The following PSTK variants were observed in gnomAD, a reference collection of about 807,000 sequenced individuals.
The protein encoded by PSTK is phosphoseryl-tRNA kinase.
Under a neutral mutation model 38.6 loss-of-function variants are expected in PSTK, and 26 were observed. The observed-to-expected ratio is 0.67, with a 90% confidence interval of 0.49 to 0.94. The LOEUF (loss-of-function observed/expected upper bound fraction) is 0.94. Ranked by LOEUF, PSTK falls within the 40% of genes least tolerant of loss-of-function variation. The pLI is 0.00. For missense variants in PSTK, 445 were observed against 436.3 expected (o/e 1.02, Z -0.18); for synonymous variants, 181 against 161.7 (o/e 1.12, Z -0.91).
At chr10:122,986,612 G>T in intron 4 of PSTK, 1 of 596,612 alleles carries the variant, frequency 1.7e-6, no homozygotes. Context: ...CACAGAAATT[G>T]GCAAACACTA....
chr10:122,989,097 T>G (rs1846954959), intron 5 of PSTK, among the ~76,000 whole-genome samples: 1 of 148,396 alleles, frequency 6.7e-6, no homozygotes, highest in Admixed American at 7.0e-5. Flanking sequence ...AAAGACCAAG[T>G]GTATGTATAC....
At position 122,983,489 on chromosome 10, in the gene PSTK, C is replaced by T; in HGVS notation, c.707+19C>T. 1 of 1,608,094 alleles carries T rather than the reference C, an allele frequency of 6.2e-7. No individual in the cohort carries two copies. The highest frequency in any genetic ancestry group is 8.5e-7 in the Non-Finnish European group (1 of 1,177,040). On this transcript the variant is annotated intron_variant, in intron 3 of 5. Transcript: ENST00000406217. ...AGGCCAGGTATTCCACTCAATCATC[C>T]CTCCCTGGATGCTCCCCTGTGCCAG...
In PSTK at chr10:122,980,537, C is replaced by T. The variant is rs763631700; in HGVS notation, c.58C>T (p.Leu20Phe). ...TGSDGPRKRG[L>F]CVLCGLPAAG... ...CAGCGACGGGCCGCGGAAACGAGGC[C>T]TCTGCGTCCTCTGTGGCCTCCCCGC... The change falls in exon 1 of 6, where the codon CTC becomes TTC. Residue 20 changes from leucine to phenylalanine, a missense_variant. By Grantham distance (22) the Leu-to-Phe change is conservative. Coordinates refer to ENST00000406217, the MANE Select transcript of PSTK (RefSeq NM_001363531.2). The surrounding 1 kb of genome is among the most constrained non-coding windows in gnomAD (Gnocchi z 4.3). 1.2e-6 allele frequency: 2 copies of T among 1,610,776 alleles called. No homozygotes were observed. The highest frequency in any genetic ancestry group is 1.7e-5 in the Admixed American group (1 of 59,938).
At chr10:122,989,459 C>T (rs1282126410) in intron 5 of PSTK, among the ~76,000 whole-genome samples, 1 of 152,064 alleles carries the variant, frequency 6.6e-6, no homozygotes, top group Non-Finnish European at 1.5e-5. Context: ...ACCATGTTGG[C>T]CAGTCTGGTC....
At chr10:122,986,568 C>A (rs917647500) in intron 4 of PSTK, 193 bp downstream of exon 4, 9 of 609,780 alleles carry the variant, frequency 1.5e-5, no homozygotes, top group South Asian at 2.0e-5. Flanking sequence ...AGTGTTGGAG[C>A]CTGTTGATGG....
In PSTK at chr10:122,987,537, G is replaced by C. The variant is rs199528272; in HGVS notation, c.877+575G>C. ...GGGGGGAAAGGTAGTCAGGGGCCAG[G>C]TGTAAGATCAGCATGGAATTTGAGT... On this transcript the variant is annotated intron_variant, in intron 5 of 5. Coordinates refer to ENST00000406217, the MANE Select transcript of PSTK (RefSeq NM_001363531.2). 3.2e-5 allele frequency: 52 copies of C among 1,606,000 alleles called. No homozygotes were observed. The African/African-American group carries it at 5.9e-4, about 18-fold the overall frequency.
At chr10:122,981,877 G>C (rs1848963121) in intron 1 of PSTK, 1 of 152,218 alleles carries the variant, frequency 6.6e-6, no homozygotes, top group African/African-American at 2.4e-5. Flanking sequence ...GGACTCATCT[G>C]CTCACTTAGG....
chr10:122,983,757 T>TA (rs1422463411), intron 3 of PSTK: 1 of 343,624 alleles, frequency 2.9e-6, no homozygotes, highest in East Asian at 5.7e-5. Flanking sequence ...CTAAAATAGA[T>TA]AGTCTAAATA....
At chr10:122,983,673 C>T (rs1848997105) in intron 3 of PSTK, 1 of 576,338 alleles carries the variant, frequency 1.7e-6, no homozygotes. Context: ...AATGTCTGCT[C>T]ATAACTGTTA....
chr10:122,987,494 C>T, intron 5 of PSTK: 1 of 1,613,518 alleles, frequency 6.2e-7, no homozygotes, highest in Non-Finnish European at 8.5e-7. Context: ...GGCCATTGAG[C>T]ACGGGGTGAG....
Position 122,980,922 on chromosome 10 carries a change from AT to A in PSTK, c.216+231del. 2.0e-6 allele frequency: 1 copy of A among 511,598 alleles called. No individual in the cohort carries two copies. The highest frequency in any genetic ancestry group is 2.5e-6 in the Non-Finnish European group (1 of 397,302). 31.7% of individuals were successfully genotyped at this position (511,598 alleles called of 1,614,324 possible). ...ACAAAGCCAACTGTTAGAACGATGC[AT>A]TTTAGATGCTTATCTGTATATTTGA... On this transcript the variant is annotated intron_variant, in intron 1 of 5. Transcript: ENST00000406217. This position sits in a 1 kb window ranked among gnomAD's most constrained non-coding sequence, Gnocchi z 4.3.
Position 122,980,437 on chromosome 10 carries a change from G to A in PSTK, c.-43G>A. Reference sequence around the variant, plus strand: ...GCGTGCGCGCAGGGCAGACGGTAGAGCGGAGACGACGCTCCCAGACTCCTC... The same window carrying A: ...GCGTGCGCGCAGGGCAGACGGTAGAACGGAGACGACGCTCCCAGACTCCTC... On this transcript the variant is annotated 5_prime_UTR_variant, in exon 1 of 6. Transcript: ENST00000406217. This position sits in a 1 kb window ranked among gnomAD's most constrained non-coding sequence, Gnocchi z 4.3. The A allele has an allele frequency of 6.5e-7, 1 of 1,529,100 alleles. No homozygotes were observed. The highest frequency in any genetic ancestry group is 8.8e-7 in the Non-Finnish European group (1 of 1,139,012). The allele number at this position is 1,529,100 out of a possible 1,614,324, so 94.7% of individuals were successfully genotyped here.
At position 122,982,952 on chromosome 10, in the gene PSTK, T is replaced by C; in HGVS notation, c.436T>C (p.Leu146=). The C allele has an allele frequency of 6.2e-7, 1 of 1,614,154 alleles. No homozygotes were observed. The highest frequency in any genetic ancestry group is 1.3e-5 in the African/African-American group (1 of 75,044). The change falls in exon 2 of 6, where the codon TTG becomes CTG. Residue 146 remains leucine, a synonymous_variant. Coordinates refer to ENST00000406217, the MANE Select transcript of PSTK (RefSeq NM_001363531.2). ...LLTKTAVSRP[L]FLVLDDNFYY... ...AACAAAAACTGCTGTTTCTAGACCT[T>C]TGTTTTTGGTTTTGGATGACAATTT... is the stretch of plus-strand genomic sequence containing the variant.
chr10:122,987,225 CTAA>C (rs1849047158), intron 5 of PSTK: 2 of 1,415,534 alleles, frequency 1.4e-6, no homozygotes, highest in East Asian at 2.5e-5. Flanking sequence ...GCAGAACATT[CTAA>C]TGAGGAGACA....
At chr10:122,989,517 G>A (rs1007675490) in intron 5 of PSTK, among the ~76,000 whole-genome samples, 5 of 152,124 alleles carry the variant, frequency 3.3e-5, no homozygotes, top group Non-Finnish European at 7.3e-5. Flanking sequence ...CACCCACAGT[G>A]CTGGGATTAC....
In PSTK at chr10:122,980,948, A is replaced by AT. The variant is rs1215361736; in HGVS notation, c.216+254dup. 2 of 345,350 alleles carry AT rather than the reference A, an allele frequency of 5.8e-6. No homozygotes were observed. The highest frequency in any genetic ancestry group is 8.2e-6 in the Non-Finnish European group (2 of 245,232). 21.4% of individuals were successfully genotyped at this position (345,350 alleles called of 1,614,324 possible). On this transcript the variant is annotated intron_variant, in intron 1 of 5. Transcript: ENST00000406217. The surrounding 1 kb of genome is among the most constrained non-coding windows in gnomAD (Gnocchi z 4.3). ...TTTTAGATGCTTATCTGTATATTTG[A>AT]TGCATGTATATGTTGTATATTCTAT...
rs1021893222 is a variant in PSTK at position 122,990,274 on chromosome 10, T to C, written c.978T>C (p.Tyr326=). The change falls in exon 6 of 6, where the codon TAT becomes TAC. Residue 326 remains tyrosine, a synonymous_variant. Coordinates refer to ENST00000406217, the MANE Select transcript of PSTK (RefSeq NM_001363531.2). ...ACCTAAAACAAGGAAACAAAAAATA[T>C]CTGTGCTTTCAGCAAACCATTGACA... The part of the protein sequence containing the change: ...LEDLKQGNKK[Y]LCFQQTIDIP... The C allele has an allele frequency of 3.2e-6, 5 of 1,540,400 alleles. No individual in the cohort carries two copies. The highest frequency in any genetic ancestry group is 1.4e-5 in the African/African-American group (1 of 72,528).
At chr10:122,986,995 T>C (rs750398836) in intron 5 of PSTK, 33 bp downstream of exon 5, 9 of 1,363,498 alleles carry the variant, frequency 6.6e-6, no homozygotes, top group Middle Eastern at 1.8e-4. Context: ...TGAGTTGGTA[T>C]GATTGTGACT....
intron 5 of PSTK, among the ~76,000 whole-genome samples, chr10:122,987,886 TC>T (rs1287347742): frequency 2.0e-5 from 3 of 152,176 alleles, no homozygotes; most frequent in Non-Finnish European, 4.4e-5. Flanking sequence ...TACATCCAGT[TC>T]CAGTCTGTGC....
Sources: allele counts gnomAD v4.1 joint callset (sites outside exome capture counted in the v4.1 genomes callset), GRCh38; gene constraint gnomAD v4.1.1; non-coding constraint Gnocchi (gnomAD v3.1); transcripts MANE v1.5; gene names NCBI Gene and HGNC (gene_info 2026-07-23, HGNC 2026-07-21).